ETV6: variants seen among roughly 807,000 people sequenced by gnomAD.
ETV6 encodes the protein ETS variant transcription factor 6.
In ETV6, 16 loss-of-function variants were observed where a neutral mutation model predicts 51.1. The observed-to-expected ratio is 0.31, with a 90% confidence interval of 0.21 to 0.48. The LOEUF is 0.48. Among genes scored for constraint, ETV6 ranks in the 20% least tolerant of loss-of-function variants. The probability of loss-of-function intolerance (pLI) is 0.99; values close to 1 mark genes in which losing one functional copy is unlikely to be tolerated. For synonymous variants in ETV6, 240 were observed against 224.1 expected (o/e 1.07, Z -0.64); for missense variants, 458 against 594.8 (o/e 0.77, Z 2.39).
intron 1 of ETV6, among the ~76,000 whole-genome samples, chr12:11,748,946 A>G (rs1287763002): frequency 6.6e-6 from 1 of 152,080 alleles, no homozygotes; most frequent in Non-Finnish European, 1.5e-5. Context: ...TCTTGCCTAC[A>G]ACAGTTTTCT....
intron 3 of ETV6, among the ~76,000 whole-genome samples, chr12:11,843,017 A>G (rs574452596): frequency 6.6e-6 from 1 of 152,368 alleles, no homozygotes; most frequent in South Asian, 2.1e-4. Context: ...TGTGAGCATC[A>G]TACATCGTCT....
chr12:11,766,801 C>T (rs1438228105), intron 2 of ETV6, among the ~76,000 whole-genome samples: 1 of 152,168 alleles, frequency 6.6e-6, no homozygotes, highest in Non-Finnish European at 1.5e-5. Flanking sequence ...CAGCCATTTC[C>T]TCAGGCCGGC....
intron 2 of ETV6, among the ~76,000 whole-genome samples, chr12:11,812,006 G>A (rs16907305): frequency 0.38 from 57,650 of 152,100 alleles, 11,540 homozygotes; most frequent in African/African-American, 0.51. Flanking sequence ...TTTGCAATCA[G>A]ACACATGTGG....
intron 5 of ETV6, among the ~76,000 whole-genome samples, chr12:11,878,942 G>A (rs1947042199): frequency 6.6e-6 from 1 of 151,808 alleles, no homozygotes; most frequent in African/African-American, 2.4e-5. Context: ...TTGTGGGGTT[G>A]CTTACTATAT....
At chr12:11,843,907 A>G (rs76719747) in intron 3 of ETV6, among the ~76,000 whole-genome samples, 3 of 152,210 alleles carry the variant, frequency 2.0e-5, no homozygotes, top group Non-Finnish European at 4.4e-5. Context: ...GTTGGAGGAT[A>G]TAACAGATGA....
At chr12:11,650,765 C>G (rs2120589029) in intron 1 of ETV6, among the ~76,000 whole-genome samples, 1 of 151,932 alleles carries the variant, frequency 6.6e-6, no homozygotes, top group African/African-American at 2.4e-5. Flanking sequence ...TTTTTTAAAA[C>G]CAAGGTGAAT....
Position 11,817,940 on chromosome 12 carries a change from A to T in ETV6, c.164-21200A>T, listed in dbSNP as rs909669094. On this transcript the variant is annotated intron_variant, in intron 2 of 7. Coordinates refer to ENST00000396373, the MANE Select transcript of ETV6 (RefSeq NM_001987.5). ...AGAAGGAGGCTTCCTGGAAGGAGTGACTTCAGTTTCAGGCCTTAAAGGAGA... is the reference window on the plus strand; with the variant it reads ...AGAAGGAGGCTTCCTGGAAGGAGTGTCTTCAGTTTCAGGCCTTAAAGGAGA... Among the ~76,000 whole-genome samples, 4 of 152,338 alleles carry T rather than the reference A, an allele frequency of 2.6e-5. No homozygotes were observed. The South Asian group carries it at 8.3e-4, about 32-fold the overall frequency.
chr12:11,705,603 A>C (rs1865059552), intron 1 of ETV6, among the ~76,000 whole-genome samples: 4 of 152,220 alleles, frequency 2.6e-5, no homozygotes, highest in Admixed American at 2.6e-4. Context: ...AATATCCCAG[A>C]CCTTAGACAC....
rs1947356582 is a variant in ETV6, at chr12:11,894,297, T to C, written c.*3251T>C. 8.6e-6 allele frequency: 2 copies of C among 232,918 alleles called. No homozygotes were observed. The highest frequency in any genetic ancestry group is 4.4e-5 in the African/African-American group (2 of 45,342). The allele number at this position is 232,918 out of a possible 1,614,324, so 14.4% of individuals were successfully genotyped here. On this transcript the variant is annotated 3_prime_UTR_variant, in exon 8 of 8. Coordinates refer to ENST00000396373, the MANE Select transcript of ETV6 (RefSeq NM_001987.5). ...GCCCTGCCGTGTGATGGATGTGCAT[T>C]CTCACTTGGGTCTTGAAGTTCTCAT...
At chr12:11,772,297 A>G (rs936317420) in intron 2 of ETV6, among the ~76,000 whole-genome samples, 12 of 152,208 alleles carry the variant, frequency 7.9e-5, no homozygotes, top group Non-Finnish European at 1.5e-4. Flanking sequence ...CTTAAACCAC[A>G]AGAGAATGTT....
chr12:11,773,924 C>G (rs745403597), intron 2 of ETV6, among the ~76,000 whole-genome samples: 2 of 152,228 alleles, frequency 1.3e-5, no homozygotes, highest in Non-Finnish European at 2.9e-5. Context: ...CTGCCTGCTG[C>G]TGCGCTGGCT....
chr12:11,837,023 G>T (rs775270432), intron 2 of ETV6, among the ~76,000 whole-genome samples: 2 of 152,154 alleles, frequency 1.3e-5, no homozygotes, highest in Non-Finnish European at 2.9e-5. Context: ...TAAGGAGTTA[G>T]GTTTAAGGTT....
intron 2 of ETV6, among the ~76,000 whole-genome samples, chr12:11,830,346 A>G (rs1330470035): frequency 6.6e-6 from 1 of 152,200 alleles, no homozygotes; most frequent in African/African-American, 2.4e-5. Flanking sequence ...ACCCAGGGGA[A>G]GTTCACTGGG....
intron 1 of ETV6, among the ~76,000 whole-genome samples, chr12:11,710,030 G>A (rs1311841277): frequency 2.0e-5 from 3 of 152,184 alleles, no homozygotes; most frequent in Admixed American, 6.5e-5. Context: ...AGGTAGCACT[G>A]CAGAATTAAT....
intron 1 of ETV6, among the ~76,000 whole-genome samples, chr12:11,682,467 C>T (rs1864549770): frequency 6.6e-6 from 1 of 152,098 alleles, no homozygotes; most frequent in African/African-American, 2.4e-5. Flanking sequence ...GATATTAGCC[C>T]TTTGTCAGAT....
At chr12:11,696,548 G>C (rs1864882234) in intron 1 of ETV6, among the ~76,000 whole-genome samples, 1 of 152,192 alleles carries the variant, frequency 6.6e-6, no homozygotes. Flanking sequence ...GCCAGGCGCA[G>C]TGGCTCACAC....
intron 7 of ETV6, among the ~76,000 whole-genome samples, 173 bp from the exon 8 acceptor site, chr12:11,890,768 G>T (rs1947274727): frequency 6.6e-6 from 1 of 152,082 alleles, no homozygotes. Flanking sequence ...TAGACAGTCA[G>T]AGAAAGGAGT....
At chr12:11,883,276 CTTTTTTTTTTTTTTTTTTTTTTT>C (rs547786286) in intron 5 of ETV6, among the ~76,000 whole-genome samples, 1 of 79,116 alleles carries the variant, frequency 1.3e-5, no homozygotes, top group African/African-American at 7.4e-5. Flanking sequence ...ATGTCTTCTT[CTTTTTTTTTTTTTTTTTTTTTTT>C]TTTTTTTTTT....
chr12:11,738,107 TAAG>T (rs532910483), intron 1 of ETV6, among the ~76,000 whole-genome samples: 356 of 152,190 alleles, frequency 2.3e-3, no homozygotes, highest in African/African-American at 8.2e-3. Flanking sequence ...TTCTTCGTTT[TAAG>T]AAGGATTCCT....
Sources: gnomAD v4.1 joint callset for allele counts (sites outside exome capture counted in the v4.1 genomes callset) on GRCh38, gnomAD v4.1.1 for gene constraint, MANE v1.5 for transcripts, NCBI Gene and HGNC (gene_info 2026-07-23, HGNC 2026-07-21) for gene names.